NFU1: variants seen among roughly 807,000 people sequenced by gnomAD.
NFU1 encodes NFU1 iron-sulfur cluster scaffold homolog, mitochondrial.
Under a neutral mutation model 32.2 loss-of-function variants are expected in NFU1, and 30 were observed. That is an observed-to-expected ratio of 0.93 (90% CI 0.70 to 1.26). The LOEUF (loss-of-function observed/expected upper bound fraction) is 1.26, where lower values mean the gene tolerates loss of function less well. NFU1 is among the 50% of genes most tolerant of loss of function. NFU1 has a pLI of 0.00. For missense variants in NFU1, 306 were observed against 306.6 expected, an observed-to-expected ratio of 1.00 and a Z score of 0.02; for synonymous variants, 112 against 104.6, an observed-to-expected ratio of 1.07 and a Z score of -0.43.
At chr2:69,411,470 G>A (rs1329875175) in intron 5 of NFU1, among the ~76,000 whole-genome samples, 1 of 152,074 alleles carries the variant, frequency 6.6e-6, no homozygotes, top group Non-Finnish European at 1.5e-5. Context: ...TTTTCTGTAT[G>A]ACAAAAGACA....
At chr2:69,414,492 C>A (rs992120471) in intron 5 of NFU1, among the ~76,000 whole-genome samples, 2 of 151,774 alleles carry the variant, frequency 1.3e-5, no homozygotes, top group African/African-American at 4.8e-5. Context: ...GTGGTGCACA[C>A]CTGTAATCCC....
chr2:69,419,403 G>A (rs1673167514), intron 4 of NFU1, 135 bp downstream of exon 4: 1 of 637,206 alleles, frequency 1.6e-6, no homozygotes, highest in South Asian at 1.9e-5. Context: ...GAGGACAAGA[G>A]AGTAAGACCC....
chr2:69,421,852 G>A (rs150433932), intron 3 of NFU1, among the ~76,000 whole-genome samples: 13 of 151,932 alleles, frequency 8.6e-5, no homozygotes, highest in Middle Eastern at 3.4e-3. Flanking sequence ...ATGAGCCACC[G>A]CACCTGGCCC....
intron 2 of NFU1, among the ~76,000 whole-genome samples, chr2:69,426,143 T>C (rs1329011234): frequency 6.6e-6 from 1 of 152,020 alleles, no homozygotes; most frequent in East Asian, 1.9e-4. Context: ...CAGCTAATTT[T>C]TGATTTTTTG....
intron 3 of NFU1, among the ~76,000 whole-genome samples, chr2:69,423,244 GTGTGTGTGTGTGTGT>G (rs1673318721): frequency 1.0e-3 from 3 of 2,878 alleles, no homozygotes; most frequent in African/African-American, 3.3e-3. Flanking sequence ...CTCTGTGTGA[GTGTGTGTGTGTGTGT>G]GTGTGTGTGT....
At chr2:69,406,630 G>A (rs540191387) in intron 5 of NFU1, among the ~76,000 whole-genome samples, 3 of 152,236 alleles carry the variant, frequency 2.0e-5, no homozygotes, top group African/African-American at 7.2e-5. Flanking sequence ...GAGTGCAGTG[G>A]GGTGATCACA....
chr2:69,397,715 C>T (rs1468114279), intron 7 of NFU1, among the ~76,000 whole-genome samples: 1 of 151,762 alleles, frequency 6.6e-6, no homozygotes, highest in Non-Finnish European at 1.5e-5. Flanking sequence ...GAGTTCAAGA[C>T]CAGCCCGGTC....
At chr2:69,433,431 C>T (rs558277245) in intron 1 of NFU1, among the ~76,000 whole-genome samples, 5 of 151,284 alleles carry the variant, frequency 3.3e-5, no homozygotes, top group South Asian at 4.2e-4. Context: ...CCTCCCGTAT[C>T]GGCCTCCCAA....
At chr2:69,413,285 C>CAA (rs1218849325) in intron 5 of NFU1, among the ~76,000 whole-genome samples, 1 of 66,756 alleles carries the variant, frequency 1.5e-5, no homozygotes, top group Non-Finnish European at 3.1e-5. Context: ...AACTCCGTTT[C>CAA]AAAAAAAAAA....
chr2:69,439,036 C>G (rs1310664096), upstream of NFU1, among the ~76,000 whole-genome samples: 1 of 151,962 alleles, frequency 6.6e-6, no homozygotes, highest in African/African-American at 2.4e-5. Context: ...TTTTCCCTCT[C>G]TGATGGATTC....
upstream of NFU1, among the ~76,000 whole-genome samples, chr2:69,437,791 T>C (rs1332449472): frequency 6.6e-6 from 1 of 152,194 alleles, no homozygotes; most frequent in East Asian, 1.9e-4. Flanking sequence ...AGGACCCTAC[T>C]CAGCCTCCAG....
At chr2:69,418,769 C>A (rs1299808671) in intron 4 of NFU1, among the ~76,000 whole-genome samples, 3 of 151,962 alleles carry the variant, frequency 2.0e-5, no homozygotes, top group African/African-American at 7.2e-5. Flanking sequence ...ACACCCGGCC[C>A]CCAGTATGTC....
intron 5 of NFU1, among the ~76,000 whole-genome samples, chr2:69,408,712 C>T (rs1051849330): frequency 3.6e-5 from 5 of 138,314 alleles, no homozygotes; most frequent in Non-Finnish European, 7.8e-5. Flanking sequence ...AGTGAAACAC[C>T]GTCTCAAAAA....
In NFU1 at chr2:69,397,787, G is replaced by A. The variant is rs571647857; in HGVS notation, c.721-1497C>T. Among the ~76,000 whole-genome samples, 8 of 151,812 alleles carry A rather than the reference G, an allele frequency of 5.3e-5. No homozygotes were observed. The East Asian group carries it at 5.8e-4, about 11-fold the overall frequency. On this transcript the variant is annotated intron_variant, in intron 7 of 7. Transcript: ENST00000410022. ...AAATTAGCCAGGCGTGGTGGCGCGC[G>A]CCTGTAATCCCAGCTACCTGGGAAG... is the stretch of plus-strand genomic sequence containing the variant.
intron 2 of NFU1, among the ~76,000 whole-genome samples, chr2:69,426,025 T>C (rs1465022996): frequency 6.6e-6 from 1 of 152,206 alleles, no homozygotes; most frequent in East Asian, 1.9e-4. Flanking sequence ...CAAGCTAGAG[T>C]GCAGTGGCAC....
intron 5 of NFU1, among the ~76,000 whole-genome samples, chr2:69,406,762 G>A (rs576455644): frequency 6.6e-6 from 1 of 152,020 alleles, no homozygotes; most frequent in Non-Finnish European, 1.5e-5. Flanking sequence ...TGTAGAGATG[G>A]GGCCTCGCCA....
chr2:69,398,656 C>T (rs536203005), intron 7 of NFU1, among the ~76,000 whole-genome samples: 1 of 152,300 alleles, frequency 6.6e-6, no homozygotes, highest in South Asian at 2.1e-4. Context: ...ATACCCATTC[C>T]TCCTGGTATA....
At chr2:69,412,733 C>T (rs1672927108) in intron 5 of NFU1, among the ~76,000 whole-genome samples, 1 of 151,768 alleles carries the variant, frequency 6.6e-6, no homozygotes, top group Admixed American at 6.6e-5. Flanking sequence ...TGGCAGGAGC[C>T]TATAATCCCA....
chr2:69,401,783 G>A (rs1016784690), intron 6 of NFU1, among the ~76,000 whole-genome samples: 1 of 152,124 alleles, frequency 6.6e-6, no homozygotes, highest in Non-Finnish European at 1.5e-5. Context: ...AGTCTTAATA[G>A]TTTTAACTAT....
Sources: allele counts gnomAD v4.1 joint callset (sites outside exome capture counted in the v4.1 genomes callset), GRCh38; gene constraint gnomAD v4.1.1; transcripts MANE v1.5; gene names NCBI Gene and HGNC (gene_info 2026-07-23, HGNC 2026-07-21).